The following BCAS3 variants were observed in gnomAD, a reference collection of about 807,000 sequenced individuals.
BCAS3 encodes the protein BCAS4/BCAS3 fusion.
In BCAS3, 53 loss-of-function variants were observed where a neutral mutation model predicts 116.1. The ratio of observed to expected loss-of-function variants is 0.46; its 90% CI spans 0.37 to 0.57. BCAS3 has a LOEUF of 0.57. BCAS3 is among the 20% of genes least tolerant of loss of function. The pLI, the probability that BCAS3 is intolerant of heterozygous loss-of-function variation, is 0.00. For missense variants in BCAS3, 917 were observed against 1,165.4 expected, an observed-to-expected ratio of 0.79 and a Z score of 3.10; for synonymous variants, 391 against 408.2, an observed-to-expected ratio of 0.96 and a Z score of 0.51.
At position 61,370,667 on chromosome 17, in the gene BCAS3, G is replaced by A. The variant is rs141387600; in HGVS notation, c.2593+2173G>A. The stretch of plus-strand genomic sequence containing the variant: ...CTCCCAGAGAGCTGGGATTACAGGC[G>A]TGAGCCACCATGCCCAGCCTAAAAC... On this transcript the variant is annotated intron_variant, in intron 23 of 23. Coordinates refer to ENST00000407086, the MANE Select transcript of BCAS3 (RefSeq NM_017679.5). Among the ~76,000 whole-genome samples the A allele has an allele frequency of 4.4e-3, 674 of 152,330 alleles. 21 individuals are homozygous for A. The East Asian group carries it at 0.073, about 17-fold the overall frequency.
rs1281463243 is a variant in BCAS3, at chr17:60,750,296, GAA to G, written c.403+3020_403+3021del. ...CAGTAGCCATTTATGATTTAAAAAAGAAAAGTTTTAGCAAACTAGGAATAGAA... is the reference window on the plus strand; with the variant it reads ...CAGTAGCCATTTATGATTTAAAAAAGAAGTTTTAGCAAACTAGGAATAGAA... On this transcript the variant is annotated intron_variant, in intron 6 of 23. Coordinates refer to ENST00000407086, the MANE Select transcript of BCAS3 (RefSeq NM_017679.5). Among the ~76,000 whole-genome samples, 7 of 151,882 alleles carry G rather than the reference GAA, an allele frequency of 4.6e-5. No homozygotes were observed. In the East Asian group the frequency reaches 5.8e-4, roughly 13 times the overall value.
At chr17:61,054,612 A>G (rs1262706835) in intron 19 of BCAS3, among the ~76,000 whole-genome samples, 3 of 152,112 alleles carry the variant, frequency 2.0e-5, no homozygotes, top group African/African-American at 7.2e-5. Flanking sequence ...GGCCAGGGTC[A>G]ATCCACCCAC....
In BCAS3 at chr17:61,365,854, G is replaced by A. The variant is rs945162695; in HGVS notation, c.2426-2473G>A. The stretch of plus-strand genomic sequence containing the variant: ...ATCTCTGTCCATAAGAAAGCTGAGT[G>A]TATAGCAGCCAGGTGCGGTGGCTCA... On this transcript the variant is annotated intron_variant, in intron 22 of 23. Coordinates refer to ENST00000407086, the MANE Select transcript of BCAS3 (RefSeq NM_017679.5). This position sits in a 1 kb window ranked among gnomAD's most constrained non-coding sequence, Gnocchi z 4.6. 6.6e-6 allele frequency among the ~76,000 whole-genome samples: 1 copy of A among 151,796 alleles called. No homozygotes were observed. Among genetic ancestry groups the A allele is most frequent in the African/African-American group, 2.4e-5 (1 of 41,348 alleles).
In BCAS3 at chr17:61,181,624, C is replaced by T. The variant is rs1244061619; in HGVS notation, c.2425+97060C>T. On this transcript the variant is annotated intron_variant, in intron 22 of 23. Coordinates refer to ENST00000407086, the MANE Select transcript of BCAS3 (RefSeq NM_017679.5). The surrounding 1 kb of genome is among the most constrained non-coding windows in gnomAD (Gnocchi z 5.0). ...AGTTGCCAAATGCTGAGAAAGCAGACAGTAATTGATGTAGTGAAGATATTT... is the reference window on the plus strand; with the variant it reads ...AGTTGCCAAATGCTGAGAAAGCAGATAGTAATTGATGTAGTGAAGATATTT... Among the ~76,000 whole-genome samples, 2 of 152,112 alleles carry T rather than the reference C, an allele frequency of 1.3e-5. No homozygotes were observed. The highest frequency in any genetic ancestry group is 4.8e-5 in the African/African-American group (2 of 41,406).
chr17:60,816,721 T>G (rs1389053316), intron 7 of BCAS3, among the ~76,000 whole-genome samples: 1 of 152,170 alleles, frequency 6.6e-6, no homozygotes, highest in African/African-American at 2.4e-5. Context: ...AGAATTGCAA[T>G]TTGGGGCCAC....
chr17:61,153,284 G>T (rs979592687), intron 22 of BCAS3, among the ~76,000 whole-genome samples: 10 of 152,168 alleles, frequency 6.6e-5, no homozygotes, highest in African/African-American at 1.9e-4. Flanking sequence ...GTAATTATGG[G>T]CCAAGTAAAG....
At chr17:60,982,483 C>T (rs74257540) in intron 14 of BCAS3, among the ~76,000 whole-genome samples, 15,775 of 152,024 alleles carry the variant, frequency 0.1, 2,459 homozygotes, top group African/African-American at 0.34. Context: ...CTATTGAATT[C>T]TTTAAAGTAC....
At chr17:61,345,368 T>G (rs1042248689) in intron 22 of BCAS3, among the ~76,000 whole-genome samples, 2 of 152,154 alleles carry the variant, frequency 1.3e-5, no homozygotes, top group Non-Finnish European at 2.9e-5. Flanking sequence ...AAGGAAAGAA[T>G]GAGCAAGGGA....
At chr17:60,704,944 G>A (rs956543385) in intron 4 of BCAS3, among the ~76,000 whole-genome samples, 1 of 151,988 alleles carries the variant, frequency 6.6e-6, no homozygotes, top group Non-Finnish European at 1.5e-5. Flanking sequence ...CCCCAGACAC[G>A]GTGTCTCTAT....
chr17:60,840,030 T>C (rs2051746343), intron 7 of BCAS3, among the ~76,000 whole-genome samples: 2 of 152,030 alleles, frequency 1.3e-5, no homozygotes, highest in Admixed American at 1.3e-4. Context: ...AAAGTGATGT[T>C]CATTGTATTG....
At position 61,368,485 on chromosome 17, in the gene BCAS3, TC is replaced by T; in HGVS notation, c.2586del (p.Gly863GlufsTer13). 2.5e-6 allele frequency: 4 copies of T among 1,604,922 alleles called. No homozygotes were observed. The highest frequency in any genetic ancestry group is 3.4e-6 in the Non-Finnish European group (4 of 1,172,722). On this transcript the variant is annotated frameshift_variant, in exon 23 of 24. Transcript: ENST00000407086. LOFTEE classifies it high-confidence loss of function. This position sits in a 1 kb window ranked among gnomAD's most constrained non-coding sequence, Gnocchi z 6.0. ...GTCACCTAGCCGGGACGTCGTGGGATCCGGAACAGGTAAAGGTGTCATCAGA... is the reference window on the plus strand; with the variant it reads ...GTCACCTAGCCGGGACGTCGTGGGATCGGAACAGGTAAAGGTGTCATCAGA... ...AESPSRDVVG[S>X]GTELQREGSI...
At chr17:60,810,270 CT>C (rs1024239977) in intron 7 of BCAS3, 2 of 447,000 alleles carry the variant, frequency 4.5e-6, no homozygotes, top group African/African-American at 4.1e-5. Flanking sequence ...TGGCCAGTGT[CT>C]GTGCAGGCAC....
rs76667740 is a variant in BCAS3 at position 61,100,047 on chromosome 17, A to G, written c.2425+15483A>G. Among the ~76,000 whole-genome samples, 1,146 of 152,224 alleles carry G rather than the reference A, an allele frequency of 7.5e-3. 13 individuals carry two copies. Among genetic ancestry groups the G allele is most frequent in the Non-Finnish European group, 9.3e-3 (634 of 68,006 alleles). On this transcript the variant is annotated intron_variant, in intron 22 of 23. Coordinates refer to ENST00000407086, the MANE Select transcript of BCAS3 (RefSeq NM_017679.5). Reference sequence around the variant, plus strand: ...AAGTGGCGTCTTGAGTCTTAAACCTATTTTACTTTGGTGTTCTACAATATT... The same window carrying G: ...AAGTGGCGTCTTGAGTCTTAAACCTGTTTTACTTTGGTGTTCTACAATATT...
chr17:61,142,340 T>A (rs903562842), intron 22 of BCAS3, among the ~76,000 whole-genome samples: 1 of 152,212 alleles, frequency 6.6e-6, no homozygotes, highest in Non-Finnish European at 1.5e-5. Flanking sequence ...TGATGCTAGA[T>A]GATGTGGCCC....
chr17:61,119,006 T>G (rs1486723000), intron 22 of BCAS3, among the ~76,000 whole-genome samples: 1 of 152,166 alleles, frequency 6.6e-6, no homozygotes, highest in Non-Finnish European at 1.5e-5. Context: ...TTTAAATGGA[T>G]GGTTGGTTGG....
At chr17:61,298,495 C>T (rs552813658) in intron 22 of BCAS3, among the ~76,000 whole-genome samples, 9 of 152,274 alleles carry the variant, frequency 5.9e-5, no homozygotes, top group African/African-American at 1.9e-4. Flanking sequence ...TTCCAAATGC[C>T]CTGGTCTTTG....
chr17:61,148,381 G>T (rs2143983901), intron 22 of BCAS3, among the ~76,000 whole-genome samples: 1 of 152,282 alleles, frequency 6.6e-6, no homozygotes, highest in African/African-American at 2.4e-5. Flanking sequence ...CAAACACTGT[G>T]TTAAACCACT....
At chr17:61,169,327 C>CA (rs2078701772) in intron 22 of BCAS3, among the ~76,000 whole-genome samples, 1 of 152,140 alleles carries the variant, frequency 6.6e-6, no homozygotes, top group Non-Finnish European at 1.5e-5. Flanking sequence ...ATGAAGGTAA[C>CA]ATTTTATGTG....
rs144517756 is a variant in BCAS3, at chr17:61,276,685, A to C, written c.2426-91642A>C. 6.6e-6 allele frequency among the ~76,000 whole-genome samples: 1 copy of C among 152,314 alleles called. No individual in the cohort carries two copies. The highest frequency in any genetic ancestry group is 2.4e-5 in the African/African-American group (1 of 41,586). On this transcript the variant is annotated intron_variant, in intron 22 of 23. Transcript: ENST00000407086. This position sits in a 1 kb window ranked among gnomAD's most constrained non-coding sequence, Gnocchi z 4.2. Reference sequence around the variant, plus strand: ...AAATCTCTATCAAATAAGCTGACTTATTTGCAGAAATTGACAAGCTGATCC... The same window carrying C: ...AAATCTCTATCAAATAAGCTGACTTCTTTGCAGAAATTGACAAGCTGATCC...
Sources: gnomAD v4.1 joint callset for allele counts (sites outside exome capture counted in the v4.1 genomes callset) on GRCh38, gnomAD v4.1.1 for gene constraint, Gnocchi (gnomAD v3.1) non-coding constraint, MANE v1.5 for transcripts, NCBI Gene and HGNC (gene_info 2026-07-23, HGNC 2026-07-21) for gene names.